The following INPP5K variants were observed in gnomAD, a reference collection of about 807,000 sequenced individuals.
INPP5K encodes the protein inositol polyphosphate-5-phosphatase K.
INPP5K carries 35 observed loss-of-function variants against 53.5 expected under a neutral mutation model. The observed-to-expected ratio is 0.65, with a 90% CI of 0.50 to 0.87. The LOEUF is 0.87. Ranked by LOEUF, INPP5K falls within the 40% of genes least tolerant of loss-of-function variation. The pLI is 0.00. For synonymous variants in INPP5K, 253 were observed against 232.8 expected (o/e 1.09, Z -0.79); for missense variants, 550 against 586.2 (o/e 0.94, Z 0.64).
chr17:1,509,023 G>A, intron 5 of INPP5K, 155 bp downstream of exon 5: 4 of 662,040 alleles, frequency 6.0e-6, no homozygotes, highest in Admixed American at 2.3e-5. Context: ...GTGGGGCAGA[G>A]GGCGGGGAAC....
chr17:1,515,406 G>C (rs373592701), intron 1 of INPP5K: 10 of 984,760 alleles, frequency 1.0e-5, no homozygotes, highest in Non-Finnish European at 1.2e-5. Context: ...CCAGTCAGAG[G>C]CTCAGGAAAG....
At chr17:1,501,866 C>T (rs1311361829) in intron 7 of INPP5K, among the ~76,000 whole-genome samples, 1 of 148,436 alleles carries the variant, frequency 6.7e-6, no homozygotes. Flanking sequence ...AAAACACACA[C>T]ACACACACAC....
intron 11 of INPP5K, 87 bp downstream of exon 11, chr17:1,495,973 A>G: frequency 7.1e-7 from 1 of 1,405,500 alleles, no homozygotes; most frequent in Non-Finnish European, 1.0e-6. Flanking sequence ...CCCCTCATGT[A>G]CCGGCTGGCT....
chr17:1,498,341 C>A, intron 7 of INPP5K: 1 of 435,554 alleles, frequency 2.3e-6, no homozygotes, highest in East Asian at 3.4e-5. Context: ...TAGCCAGGAC[C>A]CTCTGTATGT....
rs767899260 is a variant in INPP5K at position 1,513,566 on chromosome 17, C to G, written c.153-5G>C. 2.5e-6 allele frequency: 4 copies of G among 1,612,884 alleles called. No homozygotes were observed. The highest frequency in any genetic ancestry group is 2.5e-6 in the Non-Finnish European group (3 of 1,178,924). On this transcript the variant is annotated splice_polypyrimidine_tract_variant and splice_region_variant and intron_variant, in intron 2 of 11. Coordinates refer to ENST00000421807, the MANE Select transcript of INPP5K (RefSeq NM_016532.4). The stretch of plus-strand genomic sequence containing the variant: ...CCAGAGTTCAATTCCTGCAAACTGA[C>G]CATGCCAGCTCAGAGGCTTGGCCCC...
intron 7 of INPP5K, among the ~76,000 whole-genome samples, chr17:1,503,573 AGGCAT>A (rs1324647557): frequency 6.6e-6 from 1 of 151,846 alleles, no homozygotes; most frequent in Non-Finnish European, 1.5e-5. Context: ...AAAATTAGCC[AGGCAT>A]GGTGGCGGGT....
At chr17:1,516,298 C>T (rs1330689517) in intron 1 of INPP5K, among the ~76,000 whole-genome samples, 158 bp downstream of exon 1, 1 of 152,230 alleles carries the variant, frequency 6.6e-6, no homozygotes, top group Non-Finnish European at 1.5e-5. Flanking sequence ...AGGCTCGGGC[C>T]CAACACAGCC....
intron 5 of INPP5K, chr17:1,508,463 G>A: frequency 3.8e-6 from 2 of 520,588 alleles, no homozygotes; most frequent in South Asian, 4.2e-5. Context: ...GCAGGCTGTG[G>A]CCCTTCCTTC....
At position 1,507,098 on chromosome 17, in the gene INPP5K, A is replaced by G; in HGVS notation, c.667-9T>C. On this transcript the variant is annotated splice_polypyrimidine_tract_variant and intron_variant, in intron 6 of 11. Coordinates refer to ENST00000421807, the MANE Select transcript of INPP5K (RefSeq NM_016532.4). ...TTCTTGGCAATGCTGAGCTGCAGAC[A>G]AAGTCATAGTCCCCGTCTCCCAGTA... is the stretch of plus-strand genomic sequence containing the variant. 2 of 1,611,096 alleles carry G rather than the reference A, an allele frequency of 1.2e-6. No individual in the cohort carries two copies. Among genetic ancestry groups the G allele is most frequent in the Non-Finnish European group, 1.7e-6 (2 of 1,177,368 alleles).
rs774899589 is a variant in INPP5K, at chr17:1,509,351, C to T, written c.381G>A (p.Gly127=). Residue 127 remains glycine (G), a splice_region_variant and synonymous_variant, in exon 5 of 12, where the codon GGG becomes GGA. Coordinates refer to ENST00000421807, the MANE Select transcript of INPP5K (RefSeq NM_016532.4). ...GGCAGATGTTGACTCCACCTTTGTT[C>T]CCCTGGTAGAACAGGTCAACAGAAG... ...STPTGLFGYW[G]NKGGVNICLK... 8 of 1,612,684 alleles carry T rather than the reference C, an allele frequency of 5.0e-6. No homozygotes were observed. In the East Asian group the frequency reaches 1.3e-4, roughly 27 times the overall value.
intron 1 of INPP5K, among the ~76,000 whole-genome samples, chr17:1,514,976 G>A (rs1202109607): frequency 6.8e-5 from 10 of 147,880 alleles, no homozygotes; most frequent in Non-Finnish European, 1.2e-4. Flanking sequence ...GGATGATCTC[G>A]GCTCATCGCA....
chr17:1,498,758 T>C (rs2074929299), intron 7 of INPP5K, among the ~76,000 whole-genome samples: 1 of 152,184 alleles, frequency 6.6e-6, no homozygotes, highest in South Asian at 2.1e-4. Context: ...CGTGGCACTA[T>C]GCCTGGCTAA....
intron 4 of INPP5K, 39 bp downstream of exon 4, chr17:1,509,644 C>A: frequency 7.5e-7 from 1 of 1,336,600 alleles, no homozygotes; most frequent in Non-Finnish European, 1.1e-6. Flanking sequence ...GTTCCCAGCC[C>A]TTCCCAGCTC....
intron 3 of INPP5K, among the ~76,000 whole-genome samples, chr17:1,512,962 G>A (rs181044466): frequency 2.8e-4 from 42 of 152,298 alleles, no homozygotes; most frequent in Admixed American, 1.4e-3. Flanking sequence ...CCCAGATAGC[G>A]CATGTGGCTT....
intron 9 of INPP5K, 61 bp from the exon 10 acceptor site, chr17:1,496,463 A>C (rs1002516924): frequency 6.3e-5 from 90 of 1,423,208 alleles, no homozygotes; most frequent in Non-Finnish European, 8.6e-5. Flanking sequence ...GGCAAGTCCT[A>C]AGGAAGAGAT....
chr17:1,507,364 T>G, intron 6 of INPP5K: 1 of 427,666 alleles, frequency 2.3e-6, no homozygotes, highest in Non-Finnish European at 4.2e-6. Flanking sequence ...ATTCCATCTC[T>G]AGGGGAGATC....
rs1244724041 is a variant in INPP5K at position 1,494,951 on chromosome 17, G to C, written c.*872C>G. 1.3e-5 allele frequency: 2 copies of C among 152,346 alleles called. No homozygotes were observed. The highest frequency in any genetic ancestry group is 4.8e-5 in the African/African-American group (2 of 41,450). 9.4% of individuals were successfully genotyped at this position (152,346 alleles called of 1,614,324 possible). On this transcript the variant is annotated 3_prime_UTR_variant, in exon 12 of 12. Coordinates refer to ENST00000421807, the MANE Select transcript of INPP5K (RefSeq NM_016532.4). ...TGCCCCCACTCTGAGGTCCCGGGGG[G>C]TCCAGGGGGGGCCCGTCGTCAATGG...
intron 3 of INPP5K, among the ~76,000 whole-genome samples, chr17:1,512,863 T>A (rs1001379577): frequency 1.3e-5 from 2 of 152,172 alleles, no homozygotes; most frequent in Non-Finnish European, 2.9e-5. Context: ...ACGCCTAAGA[T>A]CTGTCAGTCT....
At chr17:1,516,378 T>G in intron 1 of INPP5K, 78 bp downstream of exon 1, 1 of 1,443,068 alleles carries the variant, frequency 6.9e-7, no homozygotes, top group Non-Finnish European at 9.4e-7. Flanking sequence ...GTCTGGTGCC[T>G]TGTCCACCCC....
Sources: gnomAD v4.1 joint callset for allele counts (sites outside exome capture counted in the v4.1 genomes callset) on GRCh38, gnomAD v4.1.1 for gene constraint, MANE v1.5 for transcripts, NCBI Gene and HGNC (gene_info 2026-07-23, HGNC 2026-07-21) for gene names.